Variants in CORO1C observed in about 807,000 individuals in gnomAD.
The protein encoded by CORO1C is coronin 1C.
In CORO1C, 14 loss-of-function variants were observed where a neutral mutation model predicts 51.2. That is an observed-to-expected ratio of 0.27 (90% CI 0.18 to 0.43). CORO1C has a LOEUF of 0.43. Ranked by LOEUF, CORO1C falls within the 20% of genes least tolerant of loss-of-function variation. The pLI is 1.00. For synonymous variants in CORO1C, 181 were observed against 210.5 expected (o/e 0.86, Z 1.21); for missense variants, 417 against 607.8 (o/e 0.69, Z 3.30).
chr12:108,705,791 T>C (rs1180295053), intron 1 of CORO1C, among the ~76,000 whole-genome samples: 1 of 152,140 alleles, frequency 6.6e-6, no homozygotes, highest in Non-Finnish European at 1.5e-5. Flanking sequence ...AAGTGGGATT[T>C]ATCCTAGGAA....
chr12:108,706,901 T>A (rs1216028381), intron 1 of CORO1C, among the ~76,000 whole-genome samples: 1 of 152,076 alleles, frequency 6.6e-6, no homozygotes, highest in Non-Finnish European at 1.5e-5. Flanking sequence ...TATAAAATCA[T>A]AACAAACAAT....
chr12:108,678,320 T>C lies in CORO1C; in HGVS notation c.270A>G (p.Pro90=). 1.2e-6 allele frequency: 2 copies of C among 1,613,472 alleles called. No individual in the cohort carries two copies. The highest frequency in any genetic ancestry group is 1.7e-6 in the Non-Finnish European group (2 of 1,179,688). Residue 90 remains proline (P), a synonymous_variant, in exon 3 of 11, where the codon CCA becomes CCG. Coordinates refer to ENST00000261401, the MANE Select transcript of CORO1C (RefSeq NM_014325.4). ...CGCTGGCAATGACCTGATCGTTATG[T>C]GGGCACCAGTCTATGTCCAGCACTG... ...TGPVLDIDWC[P]HNDQVIASGS... is the part of the protein sequence containing the mutation.
chr12:108,659,032 G>C, intron 4 of CORO1C, 113 bp from the exon 5 acceptor site: 2 of 1,062,178 alleles, frequency 1.9e-6, no homozygotes, highest in Non-Finnish European at 2.6e-6. Context: ...GAGAGAGAGA[G>C]AGAAAGAGAG....
At chr12:108,682,884 C>T (rs1462582259) in intron 2 of CORO1C, among the ~76,000 whole-genome samples, 1 of 152,112 alleles carries the variant, frequency 6.6e-6, no homozygotes, top group Non-Finnish European at 1.5e-5. Flanking sequence ...ATCTCCAGTA[C>T]ATTTGAAAAT....
chr12:108,679,137 G>GAAAAAAAA (rs2034028973), intron 2 of CORO1C, among the ~76,000 whole-genome samples: 2 of 38,562 alleles, frequency 5.2e-5, no homozygotes, highest in Non-Finnish European at 1.0e-4. Flanking sequence ...AAAGAAACAA[G>GAAAAAAAA]AAAAAAGAAA....
intron 1 of CORO1C, among the ~76,000 whole-genome samples, chr12:108,713,229 G>A (rs550401143): frequency 4.6e-5 from 7 of 152,308 alleles, no homozygotes; most frequent in African/African-American, 1.7e-4. Context: ...GGCTGAAAGA[G>A]ATTTGTATTC....
chr12:108,667,943 T>C (rs753264131), intron 3 of CORO1C, among the ~76,000 whole-genome samples: 9 of 152,228 alleles, frequency 5.9e-5, no homozygotes, highest in African/African-American at 2.2e-4. Flanking sequence ...AATTTTAAAG[T>C]ACAATTAGTT....
Position 108,656,910 on chromosome 12 carries a change from G to GCGGAAGGC in CORO1C, c.750+386_750+393dup, listed in dbSNP as rs1466952320. ...TCAAGTACCCAGGGACACAAACACT[G>GCGGAAGGC]CGGAAGGCCGCAGGGTCCTCTCCCT... On this transcript the variant is annotated intron_variant, in intron 6 of 10. Transcript: ENST00000261401. 2.0e-5 allele frequency among the ~76,000 whole-genome samples: 3 copies of GCGGAAGGC among 152,150 alleles called. No individual in the cohort carries two copies. The East Asian group carries it at 5.8e-4, about 29-fold the overall frequency.
chr12:108,728,190 C>T (rs568113215), intron 1 of CORO1C, among the ~76,000 whole-genome samples: 21 of 152,284 alleles, frequency 1.4e-4, no homozygotes, highest in African/African-American at 4.8e-4. Flanking sequence ...CCATCGATTA[C>T]ATTCCTAGGT....
chr12:108,653,791 G>C (rs1410102347), intron 7 of CORO1C, among the ~76,000 whole-genome samples: 1 of 152,132 alleles, frequency 6.6e-6, no homozygotes, highest in East Asian at 1.9e-4. Context: ...GAACCCTCTG[G>C]AGAGTCTCTG....
chr12:108,729,950 A>T (rs998629787), intron 1 of CORO1C, among the ~76,000 whole-genome samples: 6 of 152,210 alleles, frequency 3.9e-5, no homozygotes, highest in Non-Finnish European at 8.8e-5. Context: ...TATTATATAG[A>T]GTGACTAAGA....
chr12:108,679,261 TC>T (rs1210253310), intron 2 of CORO1C, among the ~76,000 whole-genome samples: 3 of 148,462 alleles, frequency 2.0e-5, no homozygotes, highest in Non-Finnish European at 4.4e-5. Flanking sequence ...CTATCCTCAA[TC>T]AACAGAAATG....
At position 108,720,459 on chromosome 12, in the gene CORO1C, A is replaced by C. The variant is rs1651679855; in HGVS notation, c.-6+10970T>G. On this transcript the variant is annotated intron_variant, in intron 1 of 10. Transcript: ENST00000261401. ...CTGTGTGTGTAAATTTACACATATA[A>C]ACATCTTGCTAACATATTTATTTAC... Among the ~76,000 whole-genome samples the C allele has an allele frequency of 1.3e-5, 2 of 152,304 alleles. 1 individual carries two copies. Among genetic ancestry groups the C allele is most frequent in the South Asian group, 4.1e-4 (2 of 4,824 alleles).
At position 108,722,789 on chromosome 12, in the gene CORO1C, C is replaced by CAGTT. The variant is rs567884447; in HGVS notation, c.-6+8636_-6+8639dup. On this transcript the variant is annotated intron_variant, in intron 1 of 10. Transcript: ENST00000261401. ...GCTCATTCACTTTCAGAGAAACACA[C>CAGTT]AGTTCATAACCATCCTTTGAAGGTA... Among the ~76,000 whole-genome samples, 64 of 152,278 alleles carry CAGTT rather than the reference C, an allele frequency of 4.2e-4. 1 individual carries two copies. In the South Asian group the frequency reaches 0.013, roughly 32 times the overall value.
chr12:108,717,366 C>T (rs753045290), intron 1 of CORO1C, among the ~76,000 whole-genome samples: 6 of 152,214 alleles, frequency 3.9e-5, no homozygotes, highest in Non-Finnish European at 7.3e-5. Context: ...TTTATCTGTA[C>T]TTGCAGTCTT....
chr12:108,688,469 G>A (rs1247203241), intron 2 of CORO1C, among the ~76,000 whole-genome samples: 16 of 152,160 alleles, frequency 1.1e-4, no homozygotes, highest in Non-Finnish European at 1.9e-4. Flanking sequence ...ATTCAACATT[G>A]GGAATTTTGC....
Position 108,701,339 on chromosome 12 carries a change from G to A in CORO1C, c.-5-16C>T, listed in dbSNP as rs758475594. ...CTCATCGTGTCTGCAAAGGAAGAGT[G>A]AGAATTATGTTAGAATTATGCACCA... is the stretch of plus-strand genomic sequence containing the variant. On this transcript the variant is annotated splice_polypyrimidine_tract_variant and intron_variant, in intron 1 of 10. Coordinates refer to ENST00000261401, the MANE Select transcript of CORO1C (RefSeq NM_014325.4). The A allele has an allele frequency of 3.4e-5, 55 of 1,614,004 alleles. No individual in the cohort carries two copies. The highest frequency in any genetic ancestry group is 6.7e-5 in the Admixed American group (4 of 59,998).
At chr12:108,663,752 A>G (rs965621278) in intron 3 of CORO1C, among the ~76,000 whole-genome samples, 3 of 152,218 alleles carry the variant, frequency 2.0e-5, no homozygotes, top group African/African-American at 4.8e-5. Flanking sequence ...AAAATTTTCT[A>G]TAATTGTCTG....
intron 1 of CORO1C, among the ~76,000 whole-genome samples, chr12:108,706,728 G>A (rs902787091): frequency 6.6e-6 from 1 of 152,024 alleles, no homozygotes; most frequent in Non-Finnish European, 1.5e-5. Flanking sequence ...CCGAGTAGCC[G>A]GGACTACACT....
Sources: allele counts gnomAD v4.1 joint callset (sites outside exome capture counted in the v4.1 genomes callset), GRCh38; gene constraint gnomAD v4.1.1; transcripts MANE v1.5; gene names NCBI Gene and HGNC (gene_info 2026-07-23, HGNC 2026-07-21).